Variants in SMIM31 observed in about 807,000 individuals in gnomAD.
SMIM31 encodes the protein human epithelial cell program regulator.
chr4:164,793,873 C>T (rs912190479), intron 2 of SMIM31, among the ~76,000 whole-genome samples: 32 of 152,018 alleles, frequency 2.1e-4, no homozygotes, highest in African/African-American at 6.0e-4. Context: ...AAGATCTAAA[C>T]GTAAGACTCA....
intron 1 of SMIM31, among the ~76,000 whole-genome samples, chr4:164,761,442 A>G (rs1443987021): frequency 2.0e-5 from 3 of 152,154 alleles, no homozygotes; most frequent in East Asian, 1.9e-4. Flanking sequence ...ACCTAGCAAA[A>G]TAGAAATTAC....
chr4:164,757,480 G>T (rs1337114578), intron 1 of SMIM31, among the ~76,000 whole-genome samples: 4 of 150,662 alleles, frequency 2.7e-5, no homozygotes, highest in Admixed American at 1.3e-4. Flanking sequence ...ATCTTAAAAA[G>T]TCTTTTTTTT....
At chr4:164,761,703 G>T (rs922076786) in intron 1 of SMIM31, among the ~76,000 whole-genome samples, 22 of 151,898 alleles carry the variant, frequency 1.4e-4, no homozygotes, top group Non-Finnish European at 2.8e-4. Context: ...TGTCTCACGA[G>T]GTCAGGAGTT....
chr4:164,755,509 G>A (rs1189280772), intron 1 of SMIM31, among the ~76,000 whole-genome samples: 1 of 113,822 alleles, frequency 8.8e-6, no homozygotes, highest in African/African-American at 3.4e-5. Flanking sequence ...GGAAAGGAGG[G>A]GGGAGGAGAG....
chr4:164,796,603 T>G (rs993190409), intron 2 of SMIM31, among the ~76,000 whole-genome samples: 3 of 152,310 alleles, frequency 2.0e-5, no homozygotes, highest in East Asian at 1.9e-4. Context: ...TAATTCCTGA[T>G]CTTGCTTCCA....
At chr4:164,769,753 A>C (rs1732768768) in intron 1 of SMIM31, among the ~76,000 whole-genome samples, 1 of 152,158 alleles carries the variant, frequency 6.6e-6, no homozygotes, top group East Asian at 1.9e-4. Context: ...AAAAAAAAAA[A>C]AAAACTCCTC....
intron 2 of SMIM31, among the ~76,000 whole-genome samples, chr4:164,797,268 T>G (rs1163481298): frequency 1.3e-5 from 2 of 152,144 alleles, no homozygotes; most frequent in African/African-American, 2.4e-5. Context: ...ATACATTTTC[T>G]TCTTTATTAT....
At chr4:164,758,630 GT>G (rs1210607914) in intron 1 of SMIM31, among the ~76,000 whole-genome samples, 415 of 96,582 alleles carry the variant, frequency 4.3e-3, no homozygotes, top group Middle Eastern at 7.4e-3. Context: ...TCCTTTTTTT[GT>G]TTTTTTTTTT....
chr4:164,800,918 G>A (rs1733274801), intron 2 of SMIM31, among the ~76,000 whole-genome samples, 173 bp from the exon 3 acceptor site: 1 of 152,100 alleles, frequency 6.6e-6, no homozygotes, highest in Non-Finnish European at 1.5e-5. Context: ...TTCTCAGTGG[G>A]CAAATGTCCT....
chr4:164,781,897 A>G (rs1285583041), intron 2 of SMIM31, among the ~76,000 whole-genome samples: 1 of 152,230 alleles, frequency 6.6e-6, no homozygotes, highest in African/African-American at 2.4e-5. Flanking sequence ...AAGGAGTAGC[A>G]CGGGGAATTG....
intron 2 of SMIM31, among the ~76,000 whole-genome samples, chr4:164,788,835 T>C (rs1307717543): frequency 6.6e-6 from 1 of 151,404 alleles, no homozygotes; most frequent in African/African-American, 2.5e-5. Flanking sequence ...TTGAAAAACA[T>C]GTGCTATATT....
At chr4:164,792,647 G>A (rs1287997729) in intron 2 of SMIM31, among the ~76,000 whole-genome samples, 1 of 152,114 alleles carries the variant, frequency 6.6e-6, no homozygotes, top group Non-Finnish European at 1.5e-5. Context: ...CATCTGAACT[G>A]TGATTACTAC....
At chr4:164,765,407 G>A (rs995786786) in intron 1 of SMIM31, among the ~76,000 whole-genome samples, 1 of 152,142 alleles carries the variant, frequency 6.6e-6, no homozygotes, top group Non-Finnish European at 1.5e-5. Flanking sequence ...GAAACCATAT[G>A]CAGAGACTAA....
At chr4:164,800,679 T>C (rs1349284721) in intron 2 of SMIM31, among the ~76,000 whole-genome samples, 9 of 152,138 alleles carry the variant, frequency 5.9e-5, no homozygotes, top group African/African-American at 2.4e-5. Context: ...CCTCCCAAAA[T>C]CTATCACAAG....
At chr4:164,775,036 A>G (rs1732861809) in intron 2 of SMIM31, among the ~76,000 whole-genome samples, 1 of 152,204 alleles carries the variant, frequency 6.6e-6, no homozygotes, top group African/African-American at 2.4e-5. Flanking sequence ...CTTTCTTTAA[A>G]TCCAGCCAAG....
At chr4:164,758,355 T>C (rs1402185003) in intron 1 of SMIM31, among the ~76,000 whole-genome samples, 2 of 152,122 alleles carry the variant, frequency 1.3e-5, no homozygotes, top group African/African-American at 4.8e-5. Context: ...TTTAGGCTTT[T>C]AAATTTTTAT....
At chr4:164,790,941 A>G (rs777091578) in intron 2 of SMIM31, among the ~76,000 whole-genome samples, 5 of 152,210 alleles carry the variant, frequency 3.3e-5, no homozygotes, top group Non-Finnish European at 7.4e-5. Context: ...GCATTCCAGC[A>G]TTGTCAGCTA....
chr4:164,777,361 TTATA>T (rs1206244523), intron 2 of SMIM31, among the ~76,000 whole-genome samples: 1 of 152,234 alleles, frequency 6.6e-6, no homozygotes, highest in African/African-American at 2.4e-5. Flanking sequence ...TTTTCTTAAA[TTATA>T]TAGAATCATT....
At chr4:164,787,994 G>A (rs1262351972) in intron 2 of SMIM31, among the ~76,000 whole-genome samples, 1 of 152,106 alleles carries the variant, frequency 6.6e-6, no homozygotes, top group Non-Finnish European at 1.5e-5. Context: ...TCTACACTCA[G>A]CTCTTCGGTT....
Sources: gnomAD v4.1 joint callset for allele counts (sites outside exome capture counted in the v4.1 genomes callset) on GRCh38, gnomAD v4.1.1 for gene constraint, MANE v1.5 for transcripts, NCBI Gene and HGNC (gene_info 2026-07-23, HGNC 2026-07-21) for gene names.